Variants in ITGAX observed in about 807,000 individuals in gnomAD.
ITGAX encodes the protein integrin subunit alpha X, also known as integrin alpha-X.
A neutral mutation model predicts 140.2 loss-of-function variants in ITGAX; 99 were observed. The ratio of observed to expected loss-of-function variants is 0.71; its 90% CI spans 0.60 to 0.83. The LOEUF (loss-of-function observed/expected upper bound fraction) is 0.83, where lower values mean the gene tolerates loss of function less well. Among genes scored for constraint, ITGAX ranks in the 40% least tolerant of loss-of-function variants. The probability of loss-of-function intolerance (pLI) is 0.00; values close to 1 mark genes in which losing one functional copy is unlikely to be tolerated. For missense variants in ITGAX, 1,444 were observed against 1,482.0 expected (o/e 0.97, Z 0.42); for synonymous variants, 631 against 600.4 (o/e 1.05, Z -0.75).
chr16:31,369,442 G>T (rs977054810), intron 14 of ITGAX, among the ~76,000 whole-genome samples: 1 of 152,244 alleles, frequency 6.6e-6, no homozygotes, highest in Non-Finnish European at 1.5e-5. Flanking sequence ...TTATCAACCA[G>T]CATCGCATGC....
intron 22 of ITGAX, 42 bp from the exon 23 acceptor site, chr16:31,377,140 C>T (rs1263003445): frequency 6.2e-7 from 1 of 1,610,386 alleles, no homozygotes; most frequent in East Asian, 2.2e-5. Context: ...CCATTCTCCT[C>T]CTCTGGGGCC....
chr16:31,368,466 C>G (rs1406179487), intron 14 of ITGAX, among the ~76,000 whole-genome samples: 1 of 133,778 alleles, frequency 7.5e-6, no homozygotes, highest in African/African-American at 2.8e-5. Flanking sequence ...CCACTGCACT[C>G]TAGCCTGGGC....
intron 2 of ITGAX, 63 bp downstream of exon 2, chr16:31,356,061 C>T (rs373279807): frequency 7.6e-6 from 9 of 1,178,636 alleles, no homozygotes; most frequent in East Asian, 2.4e-5. Context: ...GGGCCCCATG[C>T]CCCCGGCCCT....
intron 29 of ITGAX, 31 bp from the exon 30 acceptor site, chr16:31,381,772 T>C: frequency 2.3e-6 from 2 of 869,896 alleles, no homozygotes; most frequent in South Asian, 1.3e-5. Context: ...TGAATGGGCT[T>C]CCTGAGTTTC....
At chr16:31,369,447 G>A (rs910722464) in intron 14 of ITGAX, among the ~76,000 whole-genome samples, 2 of 152,202 alleles carry the variant, frequency 1.3e-5, no homozygotes, top group East Asian at 1.9e-4. Flanking sequence ...AACCAGCATC[G>A]CATGCTCCAG....
chr16:31,370,143 A>G (rs1274005405), intron 14 of ITGAX: 1 of 152,072 alleles, frequency 6.6e-6, no homozygotes, highest in Non-Finnish European at 1.5e-5. Flanking sequence ...TTTAGTAGAA[A>G]CGGGGTTTCA....
intron 24 of ITGAX, 34 bp downstream of exon 24, chr16:31,379,680 G>A (rs375881097): frequency 6.4e-7 from 1 of 1,573,500 alleles, no homozygotes; most frequent in Non-Finnish European, 8.6e-7. Flanking sequence ...CTGGGCTGGG[G>A]TGGGAGGCTG....
chr16:31,375,868 A>T (rs1487754554), intron 20 of ITGAX, among the ~76,000 whole-genome samples: 2 of 152,186 alleles, frequency 1.3e-5, no homozygotes, highest in Middle Eastern at 3.2e-3. Context: ...TAATGGGTGG[A>T]CCTTTGCTGA....
Position 31,359,980 on chromosome 16 carries a change from C to T in ITGAX, c.622C>T (p.Arg208Cys), listed in dbSNP as rs1043448553. ...QTHFTFEEFRRSSNPLSLLAS... is the reference protein window; with the variant it reads ...QTHFTFEEFRCSSNPLSLLAS... ...ACACTTCACTTTCGAGGAATTCAGG[C>T]GCAGCTCAAACCCCCTCAGCCTGTT... The change falls in exon 7 of 30, where the codon CGC becomes TGC. Residue 208 changes from arginine (R) to cysteine (C), a missense_variant. By Grantham distance (180) the Arg-to-Cys change is radical. Transcript: ENST00000268296. 1.6e-5 allele frequency: 26 copies of T among 1,614,006 alleles called. No homozygotes were observed. The highest frequency in any genetic ancestry group is 4.0e-5 in the African/African-American group (3 of 74,912).
At chr16:31,361,014 G>A (rs1298222235) in intron 8 of ITGAX, 49 bp from the exon 9 acceptor site, 2 of 1,583,528 alleles carry the variant, frequency 1.3e-6, no homozygotes, top group African/African-American at 2.7e-5. Context: ...AGTGCACACA[G>A]GCACATTTGA....
chr16:31,381,918 G>T lies in ITGAX; in HGVS notation c.*11G>T. 1 of 980,624 alleles carries T rather than the reference G, an allele frequency of 1.0e-6. No homozygotes were observed. The highest frequency in any genetic ancestry group is 1.3e-5 in the South Asian group (1 of 78,488). 60.7% of individuals were successfully genotyped at this position (980,624 alleles called of 1,614,324 possible). A position where few individuals can be genotyped will look rare whatever the true frequency, so the allele number is the denominator to read the frequency against. ...CCCAGTGAGAAATGATCCCCTCTTT[G>T]CCTTGGACTTCTTCTCCCCCGCGAG... On this transcript the variant is annotated 3_prime_UTR_variant, in exon 30 of 30. Coordinates refer to ENST00000268296, the MANE Select transcript of ITGAX (RefSeq NM_000887.5).
intron 14 of ITGAX, among the ~76,000 whole-genome samples, chr16:31,366,309 G>A (rs1162128809): frequency 2.0e-5 from 3 of 152,046 alleles, no homozygotes; most frequent in Admixed American, 6.5e-5. Context: ...CTCTTTTTGG[G>A]GCACCATGAA....
rs377108919 is a variant in ITGAX, at chr16:31,380,296, C to T, written c.3091C>T (p.Arg1031Cys). The change falls in exon 27 of 30, where the codon CGC (arginine) becomes TGC (cysteine). Residue 1031 changes from arginine to cysteine, a missense_variant. By Grantham distance (180) the Arg-to-Cys change is radical. Transcript: ENST00000268296. ...CTCCATTGCTGGCTGCCTGCGGTTC[C>T]GCTGTGACGTCCCCTCCTTCAGCGT... ...DCSIAGCLRFRCDVPSFSVQE... is the reference protein window; with the variant it reads ...DCSIAGCLRFCCDVPSFSVQE... 3.0e-5 allele frequency: 48 copies of T among 1,614,230 alleles called. No homozygotes were observed. The South Asian group carries it at 3.1e-4, about 10-fold the overall frequency.
At chr16:31,359,897 C>T in intron 6 of ITGAX, 23 bp from the exon 7 acceptor site, 2 of 1,613,784 alleles carry the variant, frequency 1.2e-6, no homozygotes, top group Non-Finnish European at 1.7e-6. Context: ...GGCCTCAGCC[C>T]CAGCCCTGTG....
intron 5 of ITGAX, among the ~76,000 whole-genome samples, chr16:31,359,446 G>C (rs746520578): frequency 6.6e-6 from 1 of 152,194 alleles, no homozygotes. Flanking sequence ...TTACAGGCGT[G>C]AGCCACCACG....
intron 9 of ITGAX, 76 bp from the exon 10 acceptor site, chr16:31,361,759 TC>T (rs1283451083): frequency 6.9e-7 from 1 of 1,440,350 alleles, no homozygotes; most frequent in Non-Finnish European, 9.8e-7. Flanking sequence ...TCTTAGCTTC[TC>T]CTAAAGCTGA....
chr16:31,360,515 C>T (rs1211703921), intron 8 of ITGAX, 52 bp downstream of exon 8: 2 of 1,496,642 alleles, frequency 1.3e-6, no homozygotes, highest in South Asian at 1.2e-5. Flanking sequence ...CTCAGGGCAA[C>T]TCCCCTTTCT....
Position 31,371,447 on chromosome 16 carries a change from C to G in ITGAX, c.1955C>G (p.Ser652Cys), listed in dbSNP as rs757104553. 1.2e-6 allele frequency: 2 copies of G among 1,614,180 alleles called. No homozygotes were observed. Among genetic ancestry groups the G allele is most frequent in the East Asian group, 2.2e-5 (1 of 44,888 alleles). The change falls in exon 16 of 30, where the codon TCC (serine) becomes TGC (cysteine). Residue 652 changes from serine to cysteine, a missense_variant. Ser to Cys is a moderately radical substitution (Grantham distance 112). Coordinates refer to ENST00000268296, the MANE Select transcript of ITGAX (RefSeq NM_000887.5). ...QVVSEQTLVQ[S>C]NICLYIDKRS... ...GTCTCTGAGCAGACCCTGGTACAGT[C>G]CAACATCTGCCTTTACATTGACAAA...
chr16:31,364,112 A>G (rs2080867053), intron 14 of ITGAX, among the ~76,000 whole-genome samples: 1 of 152,168 alleles, frequency 6.6e-6, no homozygotes, highest in African/African-American at 2.4e-5. Context: ...GCAAAAGTCA[A>G]GAAAGCTCTG....
Sources: gnomAD v4.1 joint callset for allele counts (sites outside exome capture counted in the v4.1 genomes callset) on GRCh38, gnomAD v4.1.1 for gene constraint, MANE v1.5 for transcripts, NCBI Gene and HGNC (gene_info 2026-07-23, HGNC 2026-07-21) for gene names.